MGAT5B: variants seen among roughly 807,000 people sequenced by gnomAD.
MGAT5B encodes the protein N-acetylglucosaminyl-transferase Vb.
MGAT5B carries 54 observed loss-of-function variants against 95.1 expected under a neutral mutation model. That is an observed-to-expected ratio of 0.57 (90% CI 0.46 to 0.71). MGAT5B has a LOEUF of 0.71. Ranked by LOEUF, MGAT5B falls within the 30% of genes least tolerant of loss-of-function variation. MGAT5B has a pLI of 0.00. For synonymous variants in MGAT5B, 464 were observed against 451.0 expected, an observed-to-expected ratio of 1.03 and a Z score of -0.36; for missense variants, 935 against 1,088.6, an observed-to-expected ratio of 0.86 and a Z score of 1.99.
chr17:76,870,174 C>T lies in MGAT5B; in HGVS notation c.68+1077C>T, dbSNP rs1032694896. Among the ~76,000 whole-genome samples, 6 of 152,212 alleles carry T rather than the reference C, an allele frequency of 3.9e-5. No individual in the cohort carries two copies. The highest frequency in any genetic ancestry group is 1.4e-4 in the African/African-American group (6 of 41,458). ...GCCCAGCCCCACTGTGGTCCCCCTG[C>T]CGGCTCCAGACGGGGATGGGGGCGG... is the stretch of plus-strand genomic sequence containing the variant. On this transcript the variant is annotated intron_variant, in intron 1 of 17. Transcript: ENST00000569840. The surrounding 1 kb of genome is among the most constrained non-coding windows in gnomAD (Gnocchi z 5.0).
At chr17:76,872,198 C>T (rs1967034668) in intron 1 of MGAT5B, among the ~76,000 whole-genome samples, 1 of 152,116 alleles carries the variant, frequency 6.6e-6, no homozygotes, top group Non-Finnish European at 1.5e-5. Context: ...TTGGGGGGAG[C>T]CTGGGCATGG....
At chr17:76,891,887 A>C (rs938121216) in intron 3 of MGAT5B, among the ~76,000 whole-genome samples, 2 of 151,916 alleles carry the variant, frequency 1.3e-5, no homozygotes, top group African/African-American at 2.4e-5. Context: ...GGTGGCTCCA[A>C]AGTTCTCGGT....
intron 11 of MGAT5B, 141 bp downstream of exon 11, chr17:76,932,916 T>C (rs1764080355): frequency 7.4e-7 from 1 of 1,351,178 alleles, no homozygotes; most frequent in African/African-American, 1.5e-5. Context: ...CATGAACCAG[T>C]TCAGGACAAA....
chr17:76,884,096 C>G (rs1314789536), intron 3 of MGAT5B, among the ~76,000 whole-genome samples: 1 of 152,234 alleles, frequency 6.6e-6, no homozygotes, highest in African/African-American at 2.4e-5. Flanking sequence ...ACACTAAGCA[C>G]CTGGCATGGT....
At chr17:76,902,978 G>T (rs1427796752) in intron 4 of MGAT5B, among the ~76,000 whole-genome samples, 1 of 147,006 alleles carries the variant, frequency 6.8e-6, no homozygotes, top group East Asian at 2.0e-4. Context: ...GTGATGTGGG[G>T]AGCAGCGAGC....
At chr17:76,878,116 CG>C (rs1967261782) in intron 2 of MGAT5B, among the ~76,000 whole-genome samples, 1 of 152,220 alleles carries the variant, frequency 6.6e-6, no homozygotes, top group Non-Finnish European at 1.5e-5. Flanking sequence ...CTGACAGTCC[CG>C]GGGCCAGTGG....
chr17:76,940,618 G>A lies in MGAT5B; in HGVS notation c.1731+70G>A. 1.9e-6 allele frequency: 3 copies of A among 1,584,068 alleles called. No homozygotes were observed. In the South Asian group the frequency reaches 3.4e-5, roughly 18 times the overall value. On this transcript the variant is annotated intron_variant, in intron 14 of 17. Coordinates refer to ENST00000569840, the MANE Select transcript of MGAT5B (RefSeq NM_001199172.2). The surrounding 1 kb of genome is among the most constrained non-coding windows in gnomAD (Gnocchi z 4.3). ...AGAGACCCCTGCAGGTCCTGGAAGAGGCAGACTGAGATGTGGGGCAAAAGG... is the reference window on the plus strand; with the variant it reads ...AGAGACCCCTGCAGGTCCTGGAAGAAGCAGACTGAGATGTGGGGCAAAAGG...
chr17:76,935,482 C>T (rs1969621185), intron 12 of MGAT5B, among the ~76,000 whole-genome samples: 1 of 152,066 alleles, frequency 6.6e-6, no homozygotes, highest in Non-Finnish European at 1.5e-5. Flanking sequence ...TTGGGATGGT[C>T]AGTCTTGTAA....
At chr17:76,903,474 C>T in intron 5 of MGAT5B, 98 bp downstream of exon 5, 2 of 870,768 alleles carry the variant, frequency 2.3e-6, no homozygotes, top group Non-Finnish European at 1.7e-6. Context: ...AGGCCAACCT[C>T]AGGGAAACAG....
chr17:76,904,332 C>T lies in MGAT5B; in HGVS notation c.600C>T (p.Tyr200=), dbSNP rs750021114. The T allele has an allele frequency of 5.6e-6, 9 of 1,606,452 alleles. No individual in the cohort carries two copies. The highest frequency in any genetic ancestry group is 7.6e-6 in the Non-Finnish European group (9 of 1,176,792). The change falls in exon 6 of 18, where the codon TAC becomes TAT. Residue 200 remains tyrosine (Y), a synonymous_variant. Transcript: ENST00000569840. ...GCACCGAGTGCTCCTTCCTCATCTACCTCAGTGAGGTCGAGTGGTTCTGCC... is the reference window on the plus strand; with the variant it reads ...GCACCGAGTGCTCCTTCCTCATCTATCTCAGTGAGGTCGAGTGGTTCTGCC... ...VDGTECSFLI[Y]LSEVEWFCPP...
At chr17:76,945,012 C>T (rs1969991284) in intron 15 of MGAT5B, among the ~76,000 whole-genome samples, 1 of 152,168 alleles carries the variant, frequency 6.6e-6, no homozygotes. Flanking sequence ...AGGTTGAAGC[C>T]TAAAACAGAC....
Position 76,946,403 on chromosome 17 carries a change from A to G in MGAT5B, c.1876A>G (p.Thr626Ala). The stretch of plus-strand genomic sequence containing the variant: ...AGACCCCTACCTACCCTACGAGTAC[A>G]CCTGCGAGGGGATGCTGGAGCGGAT... ...QVDPYLPYEYTCEGMLERIHA... is the reference protein window; with the variant it reads ...QVDPYLPYEYACEGMLERIHA... Residue 626 changes from threonine to alanine, a missense_variant, in exon 16 of 18, where the codon ACC (threonine) becomes GCC (alanine). By Grantham distance (58) the Thr-to-Ala change is moderately conservative. Transcript: ENST00000569840. 1 of 1,607,028 alleles carries G rather than the reference A, an allele frequency of 6.2e-7. No individual in the cohort carries two copies. The highest frequency in any genetic ancestry group is 8.5e-7 in the Non-Finnish European group (1 of 1,176,392).
rs568652431 is a variant in MGAT5B at position 76,948,946 on chromosome 17, C to A, written c.*108C>A. 2 of 1,225,040 alleles carry A rather than the reference C, an allele frequency of 1.6e-6. No homozygotes were observed. The highest frequency in any genetic ancestry group is 1.5e-5 in the African/African-American group (1 of 66,394). The allele number at this position is 1,225,040 out of a possible 1,614,324, so 75.9% of individuals were successfully genotyped here. The stretch of plus-strand genomic sequence containing the variant: ...CTGCTTGTCCTCCTCGCAACCCCCC[C>A]AGGCCGGAGCTTCCTTCCTTAGCCG... On this transcript the variant is annotated 3_prime_UTR_variant, in exon 18 of 18. Transcript: ENST00000569840.
intron 3 of MGAT5B, among the ~76,000 whole-genome samples, chr17:76,898,069 T>C (rs912679480): frequency 8.4e-5 from 11 of 131,450 alleles, no homozygotes; most frequent in Middle Eastern, 3.6e-3. Flanking sequence ...AAAAAAAAAG[T>C]TTATTGAGGT....
At chr17:76,900,111 G>A (rs2145179528) in intron 3 of MGAT5B, among the ~76,000 whole-genome samples, 1 of 152,278 alleles carries the variant, frequency 6.6e-6, no homozygotes, top group African/African-American at 2.4e-5. Flanking sequence ...AGCACAGAGA[G>A]GCTCGGTGAC....
intron 6 of MGAT5B, 67 bp downstream of exon 6, chr17:76,904,489 C>T: frequency 6.8e-7 from 1 of 1,476,248 alleles, no homozygotes; most frequent in Non-Finnish European, 9.1e-7. Flanking sequence ...GGACAGTGGA[C>T]AGAAACCTCT....
intron 8 of MGAT5B, among the ~76,000 whole-genome samples, chr17:76,922,860 C>T (rs1006399538): frequency 6.6e-6 from 1 of 152,180 alleles, no homozygotes; most frequent in African/African-American, 2.4e-5. Context: ...CCCTCTCACA[C>T]TTAGCAGCAA....
chr17:76,939,945 C>T (rs1969810363), intron 13 of MGAT5B, among the ~76,000 whole-genome samples: 1 of 152,046 alleles, frequency 6.6e-6, no homozygotes, highest in South Asian at 2.1e-4. Flanking sequence ...CCGTTGGTTC[C>T]ATGTCTTTGC....
At chr17:76,882,567 T>A in intron 3 of MGAT5B, 1 of 373,816 alleles carries the variant, frequency 2.7e-6, no homozygotes. Flanking sequence ...AGTGCCTCCC[T>A]GAATTTGCTG....
Sources: gnomAD v4.1 joint callset for allele counts (sites outside exome capture counted in the v4.1 genomes callset) on GRCh38, gnomAD v4.1.1 for gene constraint, Gnocchi (gnomAD v3.1) non-coding constraint, MANE v1.5 for transcripts, NCBI Gene and HGNC (gene_info 2026-07-23, HGNC 2026-07-21) for gene names.